HOOK1: variants seen among roughly 807,000 people sequenced by gnomAD.
HOOK1 encodes the protein protein Hook homolog 1.
Under a neutral mutation model 112.8 loss-of-function variants are expected in HOOK1, and 60 were observed. That is an observed-to-expected ratio of 0.53 (90% CI 0.43 to 0.66). The LOEUF (loss-of-function observed/expected upper bound fraction) is 0.66. HOOK1 is among the 30% of genes least tolerant of loss of function. The pLI is 0.00. For missense variants in HOOK1, 770 were observed against 856.0 expected, an observed-to-expected ratio of 0.90 and a Z score of 1.25; for synonymous variants, 294 against 283.8, an observed-to-expected ratio of 1.04 and a Z score of -0.36.
intron 2 of HOOK1, among the ~76,000 whole-genome samples, chr1:59,824,002 G>A (rs2098387972): frequency 6.6e-6 from 1 of 152,180 alleles, no homozygotes; most frequent in East Asian, 1.9e-4. Context: ...TTAGGTGTCT[G>A]AGCCTCCTTA....
Position 59,848,530 on chromosome 1 carries a change from T to G in HOOK1, c.1131+14T>G. The stretch of plus-strand genomic sequence containing the variant: ...TACAAAAGGCAGGTAAGAAACATCT[T>G]AATTTTTAATTGATAAAATTGTAAG... On this transcript the variant is annotated intron_variant, in intron 11 of 21. Coordinates refer to ENST00000371208, the MANE Select transcript of HOOK1 (RefSeq NM_015888.6). 6.5e-7 allele frequency: 1 copy of G among 1,547,690 alleles called. No individual in the cohort carries two copies.
At chr1:59,834,812 A>G (rs897727513) in intron 5 of HOOK1, among the ~76,000 whole-genome samples, 3 of 152,034 alleles carry the variant, frequency 2.0e-5, no homozygotes, top group Admixed American at 6.6e-5. Context: ...TTTGGCTTTG[A>G]TTCTATTTTG....
intron 12 of HOOK1, among the ~76,000 whole-genome samples, chr1:59,852,390 G>C (rs1348516151): frequency 1.3e-5 from 2 of 151,604 alleles, no homozygotes; most frequent in Non-Finnish European, 3.0e-5. Flanking sequence ...TCTTTCTAGA[G>C]ATTTGTCAAT....
intron 7 of HOOK1, 36 bp downstream of exon 7, chr1:59,836,971 CA>C: frequency 7.4e-7 from 1 of 1,344,740 alleles, no homozygotes; most frequent in Non-Finnish European, 1.1e-6. Context: ...ATGTTGAAAG[CA>C]ATGTTAGGGT....
At chr1:59,831,357 G>A (rs550702854) in intron 3 of HOOK1, among the ~76,000 whole-genome samples, 2 of 152,180 alleles carry the variant, frequency 1.3e-5, no homozygotes, top group African/African-American at 2.4e-5. Flanking sequence ...AATGTTTTGT[G>A]CGTGTAGCAT....
At chr1:59,815,566 T>TG (rs1243507407) in intron 1 of HOOK1, among the ~76,000 whole-genome samples, 2 of 151,958 alleles carry the variant, frequency 1.3e-5, no homozygotes, top group Admixed American at 1.3e-4. Flanking sequence ...CCGACTCTCT[T>TG]GCCTTGGTCC....
At chr1:59,821,773 C>G in intron 1 of HOOK1, 85 bp from the exon 2 acceptor site, 1 of 905,926 alleles carries the variant, frequency 1.1e-6, no homozygotes, top group Non-Finnish European at 1.6e-6. Flanking sequence ...TTTTTTTTAG[C>G]TGTTTTCAAT....
chr1:59,855,978 ATATAT>A (rs2098410464), intron 12 of HOOK1, among the ~76,000 whole-genome samples: 1 of 70,640 alleles, frequency 1.4e-5, no homozygotes, highest in Non-Finnish European at 2.7e-5. Context: ...ATATATATAT[ATATAT>A]ATTTTTTTTT....
At chr1:59,817,493 T>A (rs531845854) in intron 1 of HOOK1, among the ~76,000 whole-genome samples, 5 of 152,322 alleles carry the variant, frequency 3.3e-5, no homozygotes, top group Admixed American at 6.5e-5. Context: ...CTTTTTTTTT[T>A]AATTAACTAA....
rs143413971 is a variant in HOOK1 at position 59,855,263 on chromosome 1, T to C, written c.1243-3165T>C. Among the ~76,000 whole-genome samples, 59 of 152,314 alleles carry C rather than the reference T, an allele frequency of 3.9e-4. 1 individual carries two copies. The highest frequency in any genetic ancestry group is 1.3e-3 in the African/African-American group (56 of 41,584). ...TATTAAGCCCAGTACCCAGTAGTTA[T>C]CTTTTCTGCTCCTCTCTCTCCACCA... On this transcript the variant is annotated intron_variant, in intron 12 of 21. Transcript: ENST00000371208.
At chr1:59,855,640 T>A (rs1405050956) in intron 12 of HOOK1, among the ~76,000 whole-genome samples, 1 of 151,914 alleles carries the variant, frequency 6.6e-6, no homozygotes, top group Non-Finnish European at 1.5e-5. Context: ...TTTTATAACT[T>A]TTCATAAAAT....
intron 21 of HOOK1, 50 bp downstream of exon 21, chr1:59,871,160 CTT>C: frequency 7.8e-7 from 1 of 1,281,184 alleles, no homozygotes; most frequent in Non-Finnish European, 1.1e-6. Flanking sequence ...TTTAAGCAAA[CTT>C]TTTTTTGACC....
intron 5 of HOOK1, 135 bp downstream of exon 5, chr1:59,833,672 T>C: frequency 1.5e-6 from 1 of 663,002 alleles, no homozygotes; most frequent in Non-Finnish European, 2.3e-6. Context: ...ATCTGAATTC[T>C]AGCCCAACTC....
At chr1:59,828,445 A>C (rs552455951) in intron 2 of HOOK1, among the ~76,000 whole-genome samples, 6 of 152,312 alleles carry the variant, frequency 3.9e-5, no homozygotes, top group African/African-American at 1.2e-4. Context: ...AGTTACCATC[A>C]TATTTAAATG....
intron 21 of HOOK1, 60 bp downstream of exon 21, chr1:59,871,170 A>G: frequency 9.6e-7 from 1 of 1,040,492 alleles, no homozygotes; most frequent in Non-Finnish European, 1.5e-6. Flanking sequence ...CTTTTTTTTG[A>G]CCAAGTACAA....
chr1:59,841,247 G>C (rs1000014814), intron 8 of HOOK1, among the ~76,000 whole-genome samples: 13 of 152,102 alleles, frequency 8.5e-5, no homozygotes, highest in African/African-American at 3.1e-4. Context: ...ATAATATGCT[G>C]TATGTAAATG....
At chr1:59,855,942 TTATA>T (rs57109724) in intron 12 of HOOK1, among the ~76,000 whole-genome samples, 1 of 96,518 alleles carries the variant, frequency 1.0e-5, no homozygotes, top group Non-Finnish European at 1.8e-5. Flanking sequence ...CCCAGCTAAT[TTATA>T]TATATATATA....
Position 59,854,205 on chromosome 1 carries a change from C to A in HOOK1, c.1243-4223C>A, listed in dbSNP as rs190314989. ...TAGCTGGGATTACAGGCGCATGCCA[C>A]CATGCCTGACTAATTTTTGTACTTT... On this transcript the variant is annotated intron_variant, in intron 12 of 21. Coordinates refer to ENST00000371208, the MANE Select transcript of HOOK1 (RefSeq NM_015888.6). Among the ~76,000 whole-genome samples, 334 of 150,812 alleles carry A rather than the reference C, an allele frequency of 2.2e-3. 2 individuals carry two copies. The highest frequency in any genetic ancestry group is 7.7e-3 in the African/African-American group (317 of 41,128).
Position 59,846,926 on chromosome 1 carries a change from A to G in HOOK1, c.789-119A>G, listed in dbSNP as rs1490795728. On this transcript the variant is annotated intron_variant, in intron 9 of 21. Transcript: ENST00000371208. ...TTTATTGATACATATTTTATTCATC[A>G]TATATTTTATTGTGTTGAGTGTTAT... 8.0e-6 allele frequency: 5 copies of G among 625,442 alleles called. No homozygotes were observed. In the East Asian group the frequency reaches 9.6e-5, roughly 12 times the overall value. The allele number at this position is 625,442 out of a possible 1,614,324, so 38.7% of individuals were successfully genotyped here.
Sources: gnomAD v4.1 joint callset for allele counts (sites outside exome capture counted in the v4.1 genomes callset) on GRCh38, gnomAD v4.1.1 for gene constraint, MANE v1.5 for transcripts, NCBI Gene and HGNC (gene_info 2026-07-23, HGNC 2026-07-21) for gene names.